The following APOO variants were observed in gnomAD, a reference collection of about 807,000 sequenced individuals.
The protein encoded by APOO is apolipoprotein O, also known as MICOS complex subunit MIC26.
Under a neutral mutation model 23.1 loss-of-function variants are expected in APOO, and 11 were observed. That is an observed-to-expected ratio of 0.48 (90% CI 0.30 to 0.79). The LOEUF (loss-of-function observed/expected upper bound fraction) is 0.79, where lower values mean the gene tolerates loss of function less well. APOO is among the 30% of genes least tolerant of loss of function. The probability of loss-of-function intolerance (pLI) is 0.07; values close to 1 mark genes in which losing one functional copy is unlikely to be tolerated. For missense variants in APOO, 160 were observed against 142.7 expected (o/e 1.12, Z -0.62); for synonymous variants, 59 against 54.8 (o/e 1.08, Z -0.34).
intron 8 of APOO, among the ~76,000 whole-genome samples, chrX:23,836,193 G>A (rs1250703473): frequency 8.9e-6 from 1 of 112,945 alleles, no homozygotes; most frequent in Non-Finnish European, 1.9e-5. Flanking sequence ...GTGTGCAGTG[G>A]CACGATCTTG....
chrX:23,862,413 C>T (rs182094521), intron 5 of APOO, among the ~76,000 whole-genome samples: 1,894 of 110,666 alleles, frequency 0.017, 20 homozygotes, highest in Non-Finnish European at 0.024. Context: ...CACATAGGGT[C>T]CTTTTAAATA....
At position 23,907,756 on chromosome X, in the gene APOO, T is replaced by C; in HGVS notation, c.-54A>G. 1.8e-6 allele frequency: 2 copies of C among 1,136,322 alleles called. No individual in the cohort carries two copies. The highest frequency in any genetic ancestry group is 2.3e-6 in the Non-Finnish European group (2 of 857,642). 93.6% of individuals were successfully genotyped at this position (1,136,322 alleles called of 1,213,427 possible). A position where few individuals can be genotyped will look rare whatever the true frequency, so the allele number is the denominator to read the frequency against. On this transcript the variant is annotated 5_prime_UTR_variant, in exon 1 of 9. The change creates a new upstream start codon in the 5' untranslated region. Coordinates refer to ENST00000379226, the MANE Select transcript of APOO (RefSeq NM_024122.5). Reference sequence around the variant, plus strand: ...TCACCCCGGCCTCGGCCACGCCCACTATAGAGAGGTGACTACGGAGGCCCG... The same window carrying C: ...TCACCCCGGCCTCGGCCACGCCCACCATAGAGAGGTGACTACGGAGGCCCG...
At chrX:23,888,120 A>T (rs1434054550) in intron 1 of APOO, among the ~76,000 whole-genome samples, 1 of 111,554 alleles carries the variant, frequency 9.0e-6, no homozygotes, top group African/African-American at 3.3e-5. Flanking sequence ...ATCAAGGTAC[A>T]CTCTATCTTG....
At chrX:23,890,144 T>G (rs1028603884) in intron 1 of APOO, among the ~76,000 whole-genome samples, 5 of 111,969 alleles carry the variant, frequency 4.5e-5, no homozygotes, top group Non-Finnish European at 9.4e-5. Context: ...TCAAACATAC[T>G]TTTAAAAACA....
intron 1 of APOO, among the ~76,000 whole-genome samples, chrX:23,903,691 C>A (rs1927228938): frequency 8.9e-6 from 1 of 111,881 alleles, no homozygotes; most frequent in African/African-American, 3.3e-5. Context: ...ACATAAAGAA[C>A]AACCCCATTT....
chrX:23,907,796 T>C lies in APOO; in HGVS notation c.-94A>G. ...ACGGAGGCCCGGTAGGGCCTTGATT[T>C]CTCCAACCGCAAGCAGGCAGCGGTG... is the stretch of plus-strand genomic sequence containing the variant. On this transcript the variant is annotated 5_prime_UTR_variant, in exon 1 of 9. Transcript: ENST00000379226. 4 of 1,005,937 alleles carry C rather than the reference T, an allele frequency of 4.0e-6. No homozygotes were observed. Among genetic ancestry groups the C allele is most frequent in the African/African-American group, 1.9e-5 (1 of 51,743 alleles). The allele number at this position is 1,005,937 out of a possible 1,213,427, so 82.9% of individuals were successfully genotyped here. A position where few individuals can be genotyped will look rare whatever the true frequency, so the allele number is the denominator to read the frequency against.
intron 7 of APOO, among the ~76,000 whole-genome samples, chrX:23,854,275 C>T (rs758816250): frequency 5.4e-5 from 6 of 111,919 alleles, no homozygotes; most frequent in African/African-American, 1.3e-4. Context: ...CAGAGGCTCC[C>T]GCAGCCCTCA....
intron 7 of APOO, among the ~76,000 whole-genome samples, chrX:23,851,686 G>C (rs1158039318): frequency 8.9e-6 from 1 of 112,266 alleles, no homozygotes; most frequent in African/African-American, 3.2e-5. Flanking sequence ...TTTAACTGAA[G>C]CAGATAAATT....
At chrX:23,871,062 C>T (rs2147005158) in intron 4 of APOO, among the ~76,000 whole-genome samples, 1 of 109,349 alleles carries the variant, frequency 9.1e-6, no homozygotes, top group East Asian at 2.9e-4. Context: ...GCACTCCAGC[C>T]TGGGCAACAG....
At chrX:23,867,436 C>T (rs1026942863) in intron 5 of APOO, among the ~76,000 whole-genome samples, 1 of 111,391 alleles carries the variant, frequency 9.0e-6, no homozygotes, top group African/African-American at 3.3e-5. Context: ...TGCGCCTGCT[C>T]CCCCTTTGCC....
intron 1 of APOO, among the ~76,000 whole-genome samples, chrX:23,890,264 C>A (rs961373399): frequency 8.9e-6 from 1 of 111,991 alleles, no homozygotes; most frequent in East Asian, 2.8e-4. Flanking sequence ...TCTCTCCCGT[C>A]TTAAACAAAA....
intron 7 of APOO, among the ~76,000 whole-genome samples, chrX:23,848,415 C>G (rs1034966874): frequency 1.0e-3 from 112 of 111,456 alleles, no homozygotes; most frequent in Middle Eastern, 4.7e-3. Context: ...CCACCCGCCT[C>G]GGCCTGCCAA....
At chrX:23,866,497 G>A (rs767968641) in intron 5 of APOO, among the ~76,000 whole-genome samples, 53 of 111,576 alleles carry the variant, frequency 4.8e-4, no homozygotes, top group African/African-American at 1.4e-3. Context: ...AGCTGGGTGC[G>A]GCAGCTCATG....
chrX:23,891,745 A>T (rs1926663285), intron 1 of APOO, among the ~76,000 whole-genome samples: 1 of 110,506 alleles, frequency 9.0e-6, no homozygotes. Flanking sequence ...TTTTCCATGT[A>T]AATAATTTAA....
chrX:23,881,934 C>T (rs1211123654), intron 1 of APOO, among the ~76,000 whole-genome samples: 4 of 69,528 alleles, frequency 5.8e-5, no homozygotes, highest in Non-Finnish European at 7.4e-5. Flanking sequence ...GGTGACAGTG[C>T]GAGACTCCAC....
intron 1 of APOO, among the ~76,000 whole-genome samples, chrX:23,883,148 G>A (rs1298888528): frequency 9.0e-6 from 1 of 111,297 alleles, no homozygotes. Flanking sequence ...AGAGAAGGGC[G>A]TGGTCCCTGG....
chrX:23,892,290 C>T (rs982076995), intron 1 of APOO, among the ~76,000 whole-genome samples: 4 of 104,238 alleles, frequency 3.8e-5, no homozygotes, highest in East Asian at 6.4e-4. Context: ...CTCGCACTGT[C>T]GCCCAGCCTG....
intron 3 of APOO, among the ~76,000 whole-genome samples, chrX:23,874,934 C>G (rs1925773120): frequency 9.0e-6 from 1 of 111,482 alleles, no homozygotes; most frequent in Non-Finnish European, 1.9e-5. Context: ...AATGAGGTGT[C>G]AACATTCTCT....
chrX:23,899,880 C>T (rs961907722), intron 1 of APOO, among the ~76,000 whole-genome samples: 4 of 112,264 alleles, frequency 3.6e-5, no homozygotes, highest in African/African-American at 1.3e-4. Context: ...TAAATTAAAC[C>T]TTTACGTCAT....
Sources: gnomAD v4.1 joint callset for allele counts (sites outside exome capture counted in the v4.1 genomes callset) on GRCh38, gnomAD v4.1.1 for gene constraint, MANE v1.5 for transcripts, NCBI Gene and HGNC (gene_info 2026-07-23, HGNC 2026-07-21) for gene names.